Variants in OLR1 observed in about 807,000 individuals in gnomAD.
The protein encoded by OLR1 is oxidized low density lipoprotein receptor 1.
OLR1 carries 23 observed loss-of-function variants against 31.7 expected under a neutral mutation model. The observed-to-expected ratio is 0.72, with a 90% CI of 0.52 to 1.03. The LOEUF (loss-of-function observed/expected upper bound fraction) is 1.03. Ranked by LOEUF, OLR1 falls within the 50% of genes least tolerant of loss-of-function variation. The pLI, the probability that OLR1 is intolerant of heterozygous loss-of-function variation, is 0.00. For missense variants in OLR1, 286 were observed against 315.7 expected, an observed-to-expected ratio of 0.91 and a Z score of 0.71; for synonymous variants, 117 against 115.8, an observed-to-expected ratio of 1.01 and a Z score of -0.07.
At chr12:10,166,303 G>T (rs1948661302) in intron 3 of OLR1, among the ~76,000 whole-genome samples, 1 of 152,084 alleles carries the variant, frequency 6.6e-6, no homozygotes, top group African/African-American at 2.4e-5. Context: ...CAAGATGGGT[G>T]GATCACCTGA....
intron 5 of OLR1, 54 bp downstream of exon 5, chr12:10,160,293 C>A: frequency 7.2e-7 from 1 of 1,398,514 alleles, no homozygotes. Context: ...CTAGCAGGTT[C>A]AGCAAAGAAT....
chr12:10,172,222 C>G, upstream of OLR1: 2 of 607,746 alleles, frequency 3.3e-6, no homozygotes, highest in South Asian at 4.3e-5. Context: ...GAAGGAGAGG[C>G]TTTGCTTCAT....
In OLR1 at chr12:10,160,833, A is replaced by G. The variant is rs1948614109; in HGVS notation, c.517T>C (p.Leu173=). The change falls in exon 4 of 6, where the codon TTG becomes CTG. Residue 173 remains leucine, a synonymous_variant. Coordinates refer to ENST00000309539, the MANE Select transcript of OLR1 (RefSeq NM_002543.4). ...FNWEKSQEKC[L]SLDAKLLKIN... ...TTCAGCAACTTGGCATCCAAAGACA[A>G]GCACTTCTCTTGGCTCTTTTCCCAG... 2 of 1,614,198 alleles carry G rather than the reference A, an allele frequency of 1.2e-6. No individual in the cohort carries two copies. Among genetic ancestry groups the G allele is most frequent in the Non-Finnish European group, 1.7e-6 (2 of 1,180,016 alleles).
chr12:10,169,191 A>C lies in OLR1; in HGVS notation c.77-16T>G. 1 of 1,580,888 alleles carries C rather than the reference A, an allele frequency of 6.3e-7. No individual in the cohort carries two copies. The highest frequency in any genetic ancestry group is 8.6e-7 in the Non-Finnish European group (1 of 1,157,900). On this transcript the variant is annotated splice_polypyrimidine_tract_variant and intron_variant, in intron 1 of 5. Transcript: ENST00000309539. The stretch of plus-strand genomic sequence containing the variant: ...AACTGAAGACCTAGAGTGACAGAGG[A>C]TAGAATCAGAAAGACAAAAAAGAGT...
At chr12:10,173,433 C>CTCCT (rs1009680164), upstream of OLR1, among the ~76,000 whole-genome samples, 1 of 152,096 alleles carries the variant, frequency 6.6e-6, no homozygotes, top group African/African-American at 2.4e-5. Flanking sequence ...CATTTCCCTC[C>CTCCT]TCCTCCCTGT....
At position 10,159,714 on chromosome 12, in the gene OLR1, A is replaced by G; in HGVS notation, c.*166T>C. 1 of 550,244 alleles carries G rather than the reference A, an allele frequency of 1.8e-6. No homozygotes were observed. The highest frequency in any genetic ancestry group is 3.2e-5 in the South Asian group (1 of 31,216). The allele number at this position is 550,244 out of a possible 1,614,324, so 34.1% of individuals were successfully genotyped here. ...GGTAGCTAGAATCAAAAATGTTGAC[A>G]TAAAGGTGCCAGGCTCCTGGAACCC... On this transcript the variant is annotated 3_prime_UTR_variant, in exon 6 of 6. Transcript: ENST00000309539.
rs1416569692 is a variant in OLR1, at chr12:10,159,883, C to T, written c.819G>A (p.Gln273=). The change falls in exon 6 of 6, where the codon CAG becomes CAA. Residue 273 remains glutamine, a synonymous_variant. Coordinates refer to ENST00000309539, the MANE Select transcript of OLR1 (RefSeq NM_002543.4). Reference sequence around the variant, plus strand: ...TTTTCTTCCAGAGCCTTCAAATTCACTGTGCTCTTAGGTTTGCCTTCTTCT... The same window carrying T: ...TTTTCTTCCAGAGCCTTCAAATTCATTGTGCTCTTAGGTTTGCCTTCTTCT... The part of the protein sequence containing the change: ...ICQKKANLRA[Q] 6 of 1,605,678 alleles carry T rather than the reference C, an allele frequency of 3.7e-6. No individual in the cohort carries two copies. The highest frequency in any genetic ancestry group is 1.1e-5 in the South Asian group (1 of 90,424).
Position 10,159,668 on chromosome 12 carries a change from C to T in OLR1, c.*212G>A. 1 of 421,146 alleles carries T rather than the reference C, an allele frequency of 2.4e-6. No individual in the cohort carries two copies. Among genetic ancestry groups the T allele is most frequent in the Admixed American group, 3.5e-5 (1 of 28,726 alleles). 26.1% of individuals were successfully genotyped at this position (421,146 alleles called of 1,614,324 possible). A position where few individuals can be genotyped will look rare whatever the true frequency, so the allele number is the denominator to read the frequency against. On this transcript the variant is annotated 3_prime_UTR_variant, in exon 6 of 6. Coordinates refer to ENST00000309539, the MANE Select transcript of OLR1 (RefSeq NM_002543.4). ...TTCAGGCTGGCAGGGAAGCTTGGGA[C>T]AAGCTAGGTGAAATAATACAGGTAG...
chr12:10,170,491 C>CTTTTTTTTTTTT (rs11377412), intron 1 of OLR1: 22 of 116,284 alleles, frequency 1.9e-4, no homozygotes, highest in African/African-American at 6.7e-4. Context: ...TCATCGTGCT[C>CTTTTTTTTTTTT]TTTTTTTTTT....
upstream of OLR1, among the ~76,000 whole-genome samples, chr12:10,176,058 C>T (rs1050762711): frequency 2.6e-5 from 4 of 152,250 alleles, no homozygotes; most frequent in Non-Finnish European, 4.4e-5. Flanking sequence ...GATTCACAAG[C>T]TTAATGGAAC....
upstream of OLR1, among the ~76,000 whole-genome samples, chr12:10,172,847 T>G (rs1229914119): frequency 6.6e-6 from 1 of 152,198 alleles, no homozygotes; most frequent in African/African-American, 2.4e-5. Flanking sequence ...TCAAATGACA[T>G]GTCTGGAAAT....
intron 3 of OLR1, among the ~76,000 whole-genome samples, chr12:10,165,411 C>G (rs2137512160): frequency 6.7e-6 from 1 of 149,178 alleles, no homozygotes; most frequent in Middle Eastern, 3.6e-3. Flanking sequence ...GCCTGGGCGA[C>G]AGAGCGAGAC....
chr12:10,167,845 G>A (rs3741860), intron 2 of OLR1, among the ~76,000 whole-genome samples: 99,680 of 151,794 alleles, frequency 0.66, 33,571 homozygotes, highest in Middle Eastern at 0.79. Context: ...TCAAGCAGGC[G>A]ATAACATGTT....
intron 5 of OLR1, 148 bp downstream of exon 5, chr12:10,160,199 G>A: frequency 1.1e-6 from 1 of 894,902 alleles, no homozygotes; most frequent in Non-Finnish European, 1.7e-6. Flanking sequence ...TTGTGAAAGA[G>A]GTAAGGAAGG....
intron 1 of OLR1, among the ~76,000 whole-genome samples, chr12:10,169,555 C>T (rs534243641): frequency 5.1e-4 from 78 of 152,284 alleles, no homozygotes; most frequent in African/African-American, 1.8e-3. Context: ...CAAATTCATC[C>T]ACAGTGCAGA....
Position 10,159,997 on chromosome 12 carries a change from G to C in OLR1, c.705C>G (p.Ser235=), listed in dbSNP as rs1327080047. The C allele has an allele frequency of 1.2e-6, 2 of 1,612,762 alleles. No individual in the cohort carries two copies. The highest frequency in any genetic ancestry group is 8.5e-7 in the Non-Finnish European group (1 of 1,179,228). The change falls in exon 6 of 6, where the codon TCC becomes TCG. Residue 235 remains serine, a synonymous_variant. Coordinates refer to ENST00000309539, the MANE Select transcript of OLR1 (RefSeq NM_002543.4). The part of the protein sequence containing the change: ...PHLFRVRGAV[S]QTYPSGTCAY... ...CACAGGTACCTGAAGGGTATGTCTG[G>C]GAGACAGCGCCTCGGACTCTAAATC...
intron 1 of OLR1, among the ~76,000 whole-genome samples, chr12:10,171,138 T>G (rs1948712436): frequency 1.3e-5 from 2 of 152,248 alleles, no homozygotes; most frequent in Non-Finnish European, 2.9e-5. Flanking sequence ...TTATAGCAAT[T>G]TAGTTCATTG....
chr12:10,173,747 A>G (rs1359899047), upstream of OLR1, among the ~76,000 whole-genome samples: 1 of 149,114 alleles, frequency 6.7e-6, no homozygotes, highest in Non-Finnish European at 1.5e-5. Context: ...CCTGGGCAAC[A>G]GAGCGAGACT....
At chr12:10,176,047 T>A (rs1948763284), upstream of OLR1, among the ~76,000 whole-genome samples, 1 of 152,254 alleles carries the variant, frequency 6.6e-6, no homozygotes, top group African/African-American at 2.4e-5. Flanking sequence ...CATAAGCTAA[T>A]GATTCACAAG....
Sources: allele counts gnomAD v4.1 joint callset (sites outside exome capture counted in the v4.1 genomes callset), GRCh38; gene constraint gnomAD v4.1.1; transcripts MANE v1.5; gene names NCBI Gene and HGNC (gene_info 2026-07-23, HGNC 2026-07-21).